DNAJC2: variants seen among roughly 807,000 people sequenced by gnomAD.
DNAJC2 encodes the protein DnaJ heat shock protein family (Hsp40) member C2, also known as dnaJ homolog subfamily C member 2.
A neutral mutation model predicts 94.0 loss-of-function variants in DNAJC2; 32 were observed. The ratio of observed to expected loss-of-function variants is 0.34; its 90% CI spans 0.26 to 0.46. The LOEUF is 0.46. Ranked by LOEUF, DNAJC2 falls within the 20% of genes least tolerant of loss-of-function variation. The pLI is 1.00. For synonymous variants in DNAJC2, 210 were observed against 229.7 expected, an observed-to-expected ratio of 0.91 and a Z score of 0.77; for missense variants, 550 against 719.5, an observed-to-expected ratio of 0.76 and a Z score of 2.69.
chr7:103,325,516 C>T (rs1818659967), intron 5 of DNAJC2, among the ~76,000 whole-genome samples: 1 of 151,654 alleles, frequency 6.6e-6, no homozygotes, highest in African/African-American at 2.4e-5. Flanking sequence ...CTAGGTGGCG[C>T]CAAACCGCTA....
chr7:103,315,777 T>G lies in DNAJC2; in HGVS notation c.1623A>C (p.Ser541=), dbSNP rs1818016531. ...AGCAAAATTTACCTTCAAATCGTTC[T>G]GAAGGCGTTGCGTTGTCTGCTTGAG... is the stretch of plus-strand genomic sequence containing the variant. ...VVPQADNATP[S]ERFEGPYTDF... Residue 541 remains serine, a synonymous_variant, in exon 15 of 17, where the codon TCA becomes TCC. Transcript: ENST00000379263. The G allele has an allele frequency of 6.2e-7, 1 of 1,613,506 alleles. No homozygotes were observed. Among genetic ancestry groups the G allele is most frequent in the African/African-American group, 1.3e-5 (1 of 74,912 alleles).
chr7:103,332,624 C>CT (rs141891416), intron 3 of DNAJC2, among the ~76,000 whole-genome samples: 8,112 of 146,872 alleles, frequency 0.055, 270 homozygotes, highest in African/African-American at 0.091. Flanking sequence ...GTTTTTCATC[C>CT]TTTTTTTTTT....
intron 2 of DNAJC2, among the ~76,000 whole-genome samples, chr7:103,340,996 A>C (rs1819353405): frequency 6.6e-6 from 1 of 152,184 alleles, no homozygotes; most frequent in Non-Finnish European, 1.5e-5. Flanking sequence ...CTCAAGCGCT[A>C]ATGCTGGGAA....
At chr7:103,337,620 C>A (rs1819224548) in intron 3 of DNAJC2, 116 bp downstream of exon 3, 4 of 810,508 alleles carry the variant, frequency 4.9e-6, no homozygotes, top group Non-Finnish European at 7.9e-6. Context: ...CAATATAACA[C>A]ATGCTGTTAA....
At chr7:103,330,994 TG>T (rs901024256) in intron 3 of DNAJC2, among the ~76,000 whole-genome samples, 19 of 152,094 alleles carry the variant, frequency 1.2e-4, no homozygotes, top group African/African-American at 4.6e-4. Flanking sequence ...AGTCTCACTC[TG>T]TTGGCCAGGC....
intron 15 of DNAJC2, chr7:103,314,050 C>A: frequency 1.0e-6 from 1 of 985,178 alleles, no homozygotes; most frequent in South Asian, 4.7e-5. Context: ...AAAACAAAAC[C>A]ACCACCTATT....
chr7:103,325,320 C>T (rs1818645198), intron 5 of DNAJC2, among the ~76,000 whole-genome samples: 1 of 152,048 alleles, frequency 6.6e-6, no homozygotes, highest in South Asian at 2.1e-4. Flanking sequence ...GCCTGTAGTC[C>T]CAGCTACTCA....
Position 103,322,505 on chromosome 7 carries a change from TCTTA to T in DNAJC2, c.933+2_933+5del. 6.9e-7 allele frequency: 1 copy of T among 1,459,844 alleles called. No homozygotes were observed. Among genetic ancestry groups the T allele is most frequent in the Non-Finnish European group, 9.4e-7 (1 of 1,068,780 alleles). 90.4% of individuals were successfully genotyped at this position (1,459,844 alleles called of 1,614,324 possible). A position where few individuals can be genotyped will look rare whatever the true frequency, so the allele number is the denominator to read the frequency against. The stretch of plus-strand genomic sequence containing the variant: ...TAAAGTCCACCTTCATTAAATGTTG[TCTTA>T]CTTTTTCTTTAGCTTCTTGCTCCTT... On this transcript the variant is annotated splice_donor_variant and splice_donor_5th_base_variant and intron_variant, in intron 9 of 16. Transcript: ENST00000379263. LOFTEE classifies it high-confidence loss of function.
intron 3 of DNAJC2, chr7:103,329,532 A>G (rs1818879856): frequency 1.3e-5 from 2 of 152,252 alleles, no homozygotes; most frequent in Admixed American, 6.5e-5. Flanking sequence ...AGTACTTACA[A>G]TAGTTCTAGT....
rs1456389213 is a variant in DNAJC2 at position 103,339,679 on chromosome 7, G to A, written c.256-1868C>T. On this transcript the variant is annotated intron_variant, in intron 2 of 16. Coordinates refer to ENST00000379263, the MANE Select transcript of DNAJC2 (RefSeq NM_014377.3). ...TGCAGTGGCACGATCTCAGCTTACCGCAATCTCCACCTCCCAGGTTCAAGC... is the reference window on the plus strand; with the variant it reads ...TGCAGTGGCACGATCTCAGCTTACCACAATCTCCACCTCCCAGGTTCAAGC... 2.6e-5 allele frequency among the ~76,000 whole-genome samples: 4 copies of A among 151,020 alleles called. No homozygotes were observed. In the South Asian group the frequency reaches 6.3e-4, roughly 24 times the overall value.
At chr7:103,314,435 C>T (rs1266707266) in intron 15 of DNAJC2, 1 of 985,286 alleles carries the variant, frequency 1.0e-6, no homozygotes, top group African/African-American at 1.7e-5. Flanking sequence ...TACTGCCAGT[C>T]ACTCTTGCCT....
At chr7:103,327,310 CATCATTA>C in intron 4 of DNAJC2, 1 of 1,227,846 alleles carries the variant, frequency 8.1e-7, no homozygotes, top group Non-Finnish European at 1.1e-6. Context: ...TTAGTATTCT[CATCATTA>C]AATAGAACAC....
chr7:103,316,451 T>C (rs1818059967), intron 13 of DNAJC2: 2 of 220,676 alleles, frequency 9.1e-6, no homozygotes, highest in Non-Finnish European at 1.8e-5. Flanking sequence ...GCTGGATCTC[T>C]AGGGCTTTCT....
chr7:103,344,425 A>G, intron 1 of DNAJC2, 134 bp downstream of exon 1: 1 of 931,440 alleles, frequency 1.1e-6, no homozygotes, highest in Non-Finnish European at 1.7e-6. Context: ...GCAAAAAGGC[A>G]CTCGTCACGG....
chr7:103,319,691 AAAG>A lies in DNAJC2; in HGVS notation c.1173-16_1173-14del, dbSNP rs754876265. 8.7e-6 allele frequency: 14 copies of A among 1,614,054 alleles called. No individual in the cohort carries two copies. In the African/African-American group the frequency reaches 1.1e-4, roughly 12 times the overall value. Reference sequence around the variant, plus strand: ...CAAGCACTGTAAGCTAAAGAAAAAAAAAGAAGAAATGAAACTTTATCCTAAGCT... The same window carrying A: ...CAAGCACTGTAAGCTAAAGAAAAAAAAAGAAATGAAACTTTATCCTAAGCT... On this transcript the variant is annotated splice_polypyrimidine_tract_variant and intron_variant, in intron 11 of 16. Transcript: ENST00000379263.
chr7:103,344,493 C>T, intron 1 of DNAJC2, 66 bp downstream of exon 1: 1 of 1,585,552 alleles, frequency 6.3e-7, no homozygotes, highest in East Asian at 2.2e-5. Context: ...CCCAGGGTTG[C>T]CGAGGCGGAG....
At chr7:103,328,546 G>A (rs1457937083) in intron 3 of DNAJC2, among the ~76,000 whole-genome samples, 1 of 152,058 alleles carries the variant, frequency 6.6e-6, no homozygotes, top group Non-Finnish European at 1.5e-5. Flanking sequence ...CATAAGAATC[G>A]CTTGAACCCA....
In DNAJC2 at chr7:103,322,642, GAA is replaced by G; in HGVS notation, c.812-12_812-11del. The G allele has an allele frequency of 1.2e-6, 2 of 1,612,894 alleles. No individual in the cohort carries two copies. Among genetic ancestry groups the G allele is most frequent in the Non-Finnish European group, 1.7e-6 (2 of 1,179,734 alleles). On this transcript the variant is annotated splice_polypyrimidine_tract_variant and intron_variant, in intron 8 of 16. Coordinates refer to ENST00000379263, the MANE Select transcript of DNAJC2 (RefSeq NM_014377.3). Reference sequence around the variant, plus strand: ...CAGCTGTATGCATTGTCTAGCAAAAGAAAAAGTTAATCTCATTTTGAATTTCT... The same window carrying G: ...CAGCTGTATGCATTGTCTAGCAAAAGAAAGTTAATCTCATTTTGAATTTCT...
chr7:103,313,229 G>A, intron 15 of DNAJC2, 128 bp from the exon 16 acceptor site: 1 of 1,442,656 alleles, frequency 6.9e-7, no homozygotes, highest in South Asian at 1.5e-5. Flanking sequence ...TAAACTTGTA[G>A]AGATGAGAGA....
Sources: allele counts gnomAD v4.1 joint callset (sites outside exome capture counted in the v4.1 genomes callset), GRCh38; gene constraint gnomAD v4.1.1; transcripts MANE v1.5; gene names NCBI Gene and HGNC (gene_info 2026-07-23, HGNC 2026-07-21).